The following TARP variants were observed in gnomAD, a reference collection of about 807,000 sequenced individuals.
the TARP span, chr7:38,269,573 T>C: frequency 3.0e-6 from 2 of 660,684 alleles, no homozygotes; most frequent in Non-Finnish European, 5.5e-6. Context: ...AAAACTCTAA[T>C]TCAGTTTCCC....
At chr7:38,270,905 C>G in the TARP span, among the ~76,000 whole-genome samples, 7 of 151,454 alleles carry the variant, frequency 4.6e-5, no homozygotes, top group Admixed American at 4.6e-4. Context: ...GCATTGAAGT[C>G]TTTTTCCAAT....
the TARP span, among the ~76,000 whole-genome samples, chr7:38,270,593 A>G: frequency 6.6e-6 from 1 of 151,702 alleles, no homozygotes; most frequent in South Asian, 2.1e-4. Context: ...ACTTCTGTCT[A>G]GTTCATGCCA....
chr7:38,265,927 C>T, the TARP span, among the ~76,000 whole-genome samples: 1 of 151,540 alleles, frequency 6.6e-6, no homozygotes, highest in African/African-American at 2.4e-5. Context: ...AGATGCTGGA[C>T]GAAAACCTGG....
chr7:38,262,866 G>T, the TARP span, among the ~76,000 whole-genome samples: 1 of 151,114 alleles, frequency 6.6e-6, no homozygotes, highest in East Asian at 1.9e-4. Context: ...GCCATGTTGC[G>T]CAGGCTGGTT....
chr7:38,270,967 TCAATTAGTAAGATGTATGTATTCCCC>T, the TARP span, among the ~76,000 whole-genome samples: 1 of 151,266 alleles, frequency 6.6e-6, no homozygotes, highest in Non-Finnish European at 1.5e-5. Flanking sequence ...CTTCTTTTTA[TCAATTAGTAAGATGTATGTATTCCCC>T]TACCTTTTTC....
the TARP span, chr7:38,259,899 T>G: frequency 1.7e-6 from 1 of 581,364 alleles, no homozygotes; most frequent in Non-Finnish European, 2.9e-6. Context: ...TATTCCTCAT[T>G]GTTATTACAG....
chr7:38,272,575 A>G, the TARP span, among the ~76,000 whole-genome samples: 1 of 147,168 alleles, frequency 6.8e-6, no homozygotes, highest in African/African-American at 2.5e-5. Flanking sequence ...TAACAAAATG[A>G]TAATGTGATG....
At chr7:38,265,458 C>A in the TARP span, 1 of 1,611,600 alleles carries the variant, frequency 6.2e-7, no homozygotes, top group Non-Finnish European at 8.5e-7. Context: ...GCACCGTTAA[C>A]CAGCTAAATT....
the TARP span, among the ~76,000 whole-genome samples, chr7:38,266,800 T>A: frequency 6.6e-6 from 1 of 152,090 alleles, no homozygotes; most frequent in East Asian, 1.9e-4. Context: ...CAGCAGTATT[T>A]ACAGCTGTAC....
the TARP span, among the ~76,000 whole-genome samples, chr7:38,261,793 A>T: frequency 6.7e-6 from 1 of 148,912 alleles, no homozygotes; most frequent in Non-Finnish European, 1.5e-5. Context: ...AATCACTTGA[A>T]GCCGGGAGGC....
the TARP span, chr7:38,265,784 T>C: frequency 3.5e-6 from 3 of 850,756 alleles, no homozygotes; most frequent in African/African-American, 1.8e-5. Context: ...GAAGATGCCA[T>C]TGAGCTGGTG....
the TARP span, among the ~76,000 whole-genome samples, chr7:38,271,681 G>A: frequency 1.3e-5 from 2 of 151,448 alleles, no homozygotes; most frequent in East Asian, 3.9e-4. Flanking sequence ...TATTTTGTGA[G>A]TGAATAATTG....
chr7:38,271,392 G>C, the TARP span, among the ~76,000 whole-genome samples: 6 of 151,282 alleles, frequency 4.0e-5, no homozygotes, highest in East Asian at 1.9e-4. Flanking sequence ...TCACAACATG[G>C]GGAGGTGCCT....
chr7:38,273,110 C>A, the TARP span, among the ~76,000 whole-genome samples: 3 of 150,524 alleles, frequency 2.0e-5, no homozygotes, highest in Non-Finnish European at 4.4e-5. Flanking sequence ...ATTTAAATAA[C>A]AATAAATGCA....
chr7:38,272,466 T>C, the TARP span, among the ~76,000 whole-genome samples: 1 of 143,350 alleles, frequency 7.0e-6, no homozygotes, highest in Non-Finnish European at 1.5e-5. Context: ...TGAAGCAGTG[T>C]GAAGTGAAAA....
the TARP span, among the ~76,000 whole-genome samples, chr7:38,267,366 A>G: frequency 2.0e-5 from 3 of 152,112 alleles, no homozygotes; most frequent in Non-Finnish European, 4.4e-5. Flanking sequence ...AATAACTGAA[A>G]TTATAAATGT....
the TARP span, among the ~76,000 whole-genome samples, chr7:38,266,539 T>C: frequency 6.6e-6 from 1 of 151,924 alleles, no homozygotes; most frequent in African/African-American, 2.4e-5. Flanking sequence ...TGCGCTCAAG[T>C]GATCTGCCTG....
the TARP span, among the ~76,000 whole-genome samples, chr7:38,269,989 C>G: frequency 5.9e-5 from 9 of 151,836 alleles, no homozygotes; most frequent in Admixed American, 2.6e-4. Context: ...GTAGGCCCAG[C>G]TACTCGAGAA....
the TARP span, among the ~76,000 whole-genome samples, chr7:38,266,085 G>A: frequency 6.6e-6 from 1 of 151,416 alleles, no homozygotes; most frequent in African/African-American, 2.4e-5. Context: ...GATGGCAGGG[G>A]AAAGTGGAAG....
Sources: gnomAD v4.1 joint callset for allele counts (sites outside exome capture counted in the v4.1 genomes callset) on GRCh38, gnomAD v4.1.1 for gene constraint, MANE v1.5 for transcripts.